BCAS3: variants seen among roughly 807,000 people sequenced by gnomAD.
BCAS3 encodes the protein BCAS3 microtubule associated cell migration factor.
In BCAS3, 53 loss-of-function variants were observed where a neutral mutation model predicts 116.1. That is an observed-to-expected ratio of 0.46 (90% CI 0.37 to 0.57). The LOEUF (loss-of-function observed/expected upper bound fraction) is 0.57, where lower values mean the gene tolerates loss of function less well. Among genes scored for constraint, BCAS3 ranks in the 20% least tolerant of loss-of-function variants. The probability of loss-of-function intolerance (pLI) is 0.00; values close to 1 mark genes in which losing one functional copy is unlikely to be tolerated. For missense variants in BCAS3, 917 were observed against 1,165.4 expected (o/e 0.79, Z 3.10); for synonymous variants, 391 against 408.2 (o/e 0.96, Z 0.51).
chr17:60,733,196 T>G (rs138026527), intron 5 of BCAS3, among the ~76,000 whole-genome samples: 115 of 152,358 alleles, frequency 7.5e-4, no homozygotes, highest in African/African-American at 2.6e-3. Context: ...AAAACGAAAC[T>G]CAGATTTAGT....
chr17:61,223,406 G>C (rs966968565), intron 22 of BCAS3, among the ~76,000 whole-genome samples: 1 of 152,116 alleles, frequency 6.6e-6, no homozygotes, highest in African/African-American at 2.4e-5. Flanking sequence ...TGATCTGCCT[G>C]CCTTGGCCTC....
chr17:60,767,653 C>CT (rs1163909006), intron 6 of BCAS3, among the ~76,000 whole-genome samples: 1 of 152,000 alleles, frequency 6.6e-6, no homozygotes, highest in Non-Finnish European at 1.5e-5. Flanking sequence ...AGCCATGAAT[C>CT]TTTTTTTATT....
intron 4 of BCAS3, among the ~76,000 whole-genome samples, chr17:60,694,499 C>CA (rs999925719): frequency 3.3e-4 from 47 of 143,048 alleles, no homozygotes; most frequent in East Asian, 4.1e-4. Context: ...GATTCCATCT[C>CA]AAAAAAAAAA....
At chr17:61,094,772 AG>A (rs2073858963) in intron 22 of BCAS3, among the ~76,000 whole-genome samples, 1 of 152,206 alleles carries the variant, frequency 6.6e-6, no homozygotes, top group Admixed American at 6.5e-5. Context: ...TGAACCCGGG[AG>A]GCAGAGGTTG....
At chr17:61,254,777 G>GAAAAAAAAAAAAAA (rs61471068) in intron 22 of BCAS3, among the ~76,000 whole-genome samples, 1,934 of 73,406 alleles carry the variant, frequency 0.026, 137 homozygotes, top group African/African-American at 0.042. Context: ...CTCCGTCTCA[G>GAAAAAAAAAAAAAA]AAAAAAAAAA....
intron 14 of BCAS3, among the ~76,000 whole-genome samples, chr17:60,959,281 T>C (rs947652612): frequency 6.6e-6 from 1 of 152,054 alleles, no homozygotes; most frequent in Non-Finnish European, 1.5e-5. Flanking sequence ...CACTCCAGCC[T>C]GGGAAACAGA....
intron 6 of BCAS3, among the ~76,000 whole-genome samples, chr17:60,770,854 T>G (rs1042727579): frequency 1.5e-4 from 15 of 99,370 alleles, no homozygotes; most frequent in African/African-American, 8.7e-4. Flanking sequence ...TTTTTTTTTT[T>G]TTTTTTTTTT....
rs1004492 is a variant in BCAS3, at chr17:61,379,842, A to G, written c.2593+11348A>G. On this transcript the variant is annotated intron_variant, in intron 23 of 23. Coordinates refer to ENST00000407086, the MANE Select transcript of BCAS3 (RefSeq NM_017679.5). The surrounding 1 kb of genome is among the most constrained non-coding windows in gnomAD (Gnocchi z 5.5). ...TTGTTCAGGATGACTTTTCCATTCCACGCCCGCTGTGTTCGTTTTCCTGGA... is the reference window on the plus strand; with the variant it reads ...TTGTTCAGGATGACTTTTCCATTCCGCGCCCGCTGTGTTCGTTTTCCTGGA... 0.85 allele frequency: 130,550 copies of G among 152,884 alleles called. 56,954 individuals are homozygous for G. The highest frequency in any genetic ancestry group is 0.94 in the Non-Finnish European group (64,421 of 68,636). The allele number at this position is 152,884 out of a possible 1,614,324, so 9.5% of individuals were successfully genotyped here. A position where few individuals can be genotyped will look rare whatever the true frequency, so the allele number is the denominator to read the frequency against.
In BCAS3 at chr17:60,990,303, G is replaced by A; in HGVS notation, c.1486+68G>A. On this transcript the variant is annotated intron_variant, in intron 15 of 23. Coordinates refer to ENST00000407086, the MANE Select transcript of BCAS3 (RefSeq NM_017679.5). The surrounding 1 kb of genome is among the most constrained non-coding windows in gnomAD (Gnocchi z 5.1). ...CTTTGTCCTTATTTTTACAGATCTGGGATAAAACTAAACTTGTTATAGTCT... is the reference window on the plus strand; with the variant it reads ...CTTTGTCCTTATTTTTACAGATCTGAGATAAAACTAAACTTGTTATAGTCT... 1.3e-6 allele frequency: 2 copies of A among 1,517,150 alleles called. No homozygotes were observed. Among genetic ancestry groups the A allele is most frequent in the Admixed American group, 1.8e-5 (1 of 54,056 alleles). 94.0% of individuals were successfully genotyped at this position (1,517,150 alleles called of 1,614,324 possible).
rs1356844241 is a variant in BCAS3 at position 61,145,449 on chromosome 17, G to C, written c.2425+60885G>C. Among the ~76,000 whole-genome samples, 2 of 152,094 alleles carry C rather than the reference G, an allele frequency of 1.3e-5. No individual in the cohort carries two copies. The highest frequency in any genetic ancestry group is 2.9e-5 in the Non-Finnish European group (2 of 68,024). ...GCTACGGAGAGGGAGTGGGGGCTGG[G>C]GGAGGACCATTGGGAGAATGTTCTG... On this transcript the variant is annotated intron_variant, in intron 22 of 23. Coordinates refer to ENST00000407086, the MANE Select transcript of BCAS3 (RefSeq NM_017679.5). The surrounding 1 kb of genome is among the most constrained non-coding windows in gnomAD (Gnocchi z 5.0).
chr17:61,213,535 G>A lies in BCAS3; in HGVS notation c.2425+128971G>A, dbSNP rs772672736. Among the ~76,000 whole-genome samples the A allele has an allele frequency of 2.3e-4, 35 of 152,072 alleles. No homozygotes were observed. Among genetic ancestry groups the A allele is most frequent in the Admixed American group, 5.9e-4 (9 of 15,258 alleles). Reference sequence around the variant, plus strand: ...GTCTTATTATTTGTTTAGTTGACAGGAAATTTAAAGAAAAAGTATTGCTAT... The same window carrying A: ...GTCTTATTATTTGTTTAGTTGACAGAAAATTTAAAGAAAAAGTATTGCTAT... On this transcript the variant is annotated intron_variant, in intron 22 of 23. Coordinates refer to ENST00000407086, the MANE Select transcript of BCAS3 (RefSeq NM_017679.5). The surrounding 1 kb of genome is among the most constrained non-coding windows in gnomAD (Gnocchi z 5.4).
intron 8 of BCAS3, among the ~76,000 whole-genome samples, chr17:60,873,648 C>A (rs1345466481): frequency 6.6e-6 from 1 of 152,096 alleles, no homozygotes; most frequent in Non-Finnish European, 1.5e-5. Context: ...AAATCTTGGG[C>A]ATTGAGAAAA....
At chr17:61,166,391 CTTTTTTTTT>C (rs748083151) in intron 22 of BCAS3, among the ~76,000 whole-genome samples, 1 of 33,726 alleles carries the variant, frequency 3.0e-5, no homozygotes, top group African/African-American at 8.4e-5. Flanking sequence ...CTCTCTCTCT[CTTTTTTTTT>C]TTTTTTTTTT....
chr17:60,787,424 A>G (rs1440577060), intron 6 of BCAS3, among the ~76,000 whole-genome samples: 1 of 152,180 alleles, frequency 6.6e-6, no homozygotes, highest in Non-Finnish European at 1.5e-5. Flanking sequence ...ATTTCATTAT[A>G]TGAATATAAC....
At chr17:60,865,661 A>AT (rs574783347) in intron 7 of BCAS3, among the ~76,000 whole-genome samples, 3 of 152,216 alleles carry the variant, frequency 2.0e-5, no homozygotes, top group East Asian at 1.9e-4. Flanking sequence ...ATTCTTTGGG[A>AT]TTTTTTATGT....
At position 61,023,750 on chromosome 17, in the gene BCAS3, G is replaced by A. The variant is rs573812333; in HGVS notation, c.1637+7849G>A. 6.6e-6 allele frequency among the ~76,000 whole-genome samples: 1 copy of A among 152,062 alleles called. No homozygotes were observed. Among genetic ancestry groups the A allele is most frequent in the East Asian group, 1.9e-4 (1 of 5,188 alleles). On this transcript the variant is annotated intron_variant, in intron 16 of 23. Transcript: ENST00000407086. This position sits in a 1 kb window ranked among gnomAD's most constrained non-coding sequence, Gnocchi z 4.8. The stretch of plus-strand genomic sequence containing the variant: ...GAAACCCTTTGAGAACTAATGGCCA[G>A]GTCATTTCACGGTGGCCTATATATA...
chr17:61,035,156 G>A (rs1195218751), intron 17 of BCAS3, among the ~76,000 whole-genome samples: 1 of 152,148 alleles, frequency 6.6e-6, no homozygotes, highest in Non-Finnish European at 1.5e-5. Flanking sequence ...TTTTAGAGAT[G>A]AAGAACTTGA....
At chr17:60,802,883 C>T (rs111401475) in intron 6 of BCAS3, among the ~76,000 whole-genome samples, 2,049 of 152,314 alleles carry the variant, frequency 0.013, 51 homozygotes, top group African/African-American at 0.048. Context: ...TCCTAAAATG[C>T]TGAGATTACA....
At chr17:61,152,421 G>T (rs1432085966) in intron 22 of BCAS3, among the ~76,000 whole-genome samples, 1 of 152,098 alleles carries the variant, frequency 6.6e-6, no homozygotes, top group Non-Finnish European at 1.5e-5. Context: ...GCGCTGATTG[G>T]TGCATTTTAT....
Sources: gnomAD v4.1 joint callset for allele counts (sites outside exome capture counted in the v4.1 genomes callset) on GRCh38, gnomAD v4.1.1 for gene constraint, Gnocchi (gnomAD v3.1) non-coding constraint, MANE v1.5 for transcripts, NCBI Gene and HGNC (gene_info 2026-07-23, HGNC 2026-07-21) for gene names.